The following YES1 variants were observed in gnomAD, a reference collection of about 807,000 sequenced individuals.
YES1 encodes YES proto-oncogene 1, Src family tyrosine kinase.
Under a neutral mutation model 70.4 loss-of-function variants are expected in YES1, and 39 were observed. The observed-to-expected ratio is 0.55, with a 90% confidence interval of 0.43 to 0.72. The LOEUF (loss-of-function observed/expected upper bound fraction) is 0.72, where lower values mean the gene tolerates loss of function less well. YES1 is among the 30% of genes least tolerant of loss of function. The pLI, the probability that YES1 is intolerant of heterozygous loss-of-function variation, is 0.00. For missense variants in YES1, 495 were observed against 644.8 expected (o/e 0.77, Z 2.52); for synonymous variants, 198 against 218.6 (o/e 0.91, Z 0.83).
chr18:732,972 T>C lies in YES1; in HGVS notation c.1292-7A>G. 6.2e-7 allele frequency: 1 copy of C among 1,614,080 alleles called. No individual in the cohort carries two copies. Among genetic ancestry groups the C allele is most frequent in the East Asian group, 2.2e-5 (1 of 44,874 alleles). ...TTGATTGGAAATTTTGCACCTAAAA[T>C]AATGTTGACCATCTTGCTTAATTGT... On this transcript the variant is annotated splice_region_variant and splice_polypyrimidine_tract_variant and intron_variant, in intron 10 of 11. Coordinates refer to ENST00000314574, the MANE Select transcript of YES1 (RefSeq NM_005433.4).
At chr18:743,763 G>A (rs1295448726) in intron 6 of YES1, among the ~76,000 whole-genome samples, 9 of 151,794 alleles carry the variant, frequency 5.9e-5, no homozygotes, top group East Asian at 5.8e-4. Context: ...AAAGTTAGCC[G>A]GGCATGGTGG....
At chr18:808,910 T>C (rs948869408) in intron 1 of YES1, among the ~76,000 whole-genome samples, 1 of 152,240 alleles carries the variant, frequency 6.6e-6, no homozygotes, top group African/African-American at 2.4e-5. Context: ...AAACTTATTT[T>C]ATGCTGAGAT....
intron 8 of YES1, among the ~76,000 whole-genome samples, chr18:740,856 C>A (rs1385527434): frequency 6.6e-6 from 1 of 152,030 alleles, no homozygotes; most frequent in Non-Finnish European, 1.5e-5. Flanking sequence ...ATTAGCCTTA[C>A]CTTCATTATA....
intron 1 of YES1, among the ~76,000 whole-genome samples, chr18:774,306 AT>A (rs1044852517): frequency 6.6e-6 from 1 of 152,146 alleles, no homozygotes; most frequent in Non-Finnish European, 1.5e-5. Flanking sequence ...CCAGTCTTAT[AT>A]CTTTAAATAC....
intron 1 of YES1, among the ~76,000 whole-genome samples, chr18:757,612 G>A (rs966355579): frequency 1.3e-5 from 2 of 151,966 alleles, no homozygotes; most frequent in African/African-American, 4.8e-5. Flanking sequence ...CTTGAGGTCA[G>A]GAGTTCAAGA....
intron 1 of YES1, among the ~76,000 whole-genome samples, chr18:784,719 T>A (rs1056311000): frequency 1.3e-5 from 2 of 152,214 alleles, no homozygotes; most frequent in African/African-American, 4.8e-5. Context: ...CTGATGCTGC[T>A]TTGTTGTTAC....
chr18:784,071 A>AT (rs1250633675), intron 1 of YES1, among the ~76,000 whole-genome samples: 2 of 152,360 alleles, frequency 1.3e-5, no homozygotes, highest in African/African-American at 4.8e-5. Flanking sequence ...AAAAATATTC[A>AT]TTTTAACACA....
At chr18:725,306 G>A (rs1315742023) in intron 11 of YES1, among the ~76,000 whole-genome samples, 3 of 151,752 alleles carry the variant, frequency 2.0e-5, no homozygotes, top group Admixed American at 6.6e-5. Context: ...CCTATCTCCC[G>A]CATCACCTTC....
At chr18:755,275 G>A (rs1387299249) in intron 2 of YES1, among the ~76,000 whole-genome samples, 1 of 150,656 alleles carries the variant, frequency 6.6e-6, no homozygotes, top group Non-Finnish European at 1.5e-5. Context: ...TGGAGACAGA[G>A]TCTCGCTCTG....
At chr18:780,421 G>T (rs948658207) in intron 1 of YES1, among the ~76,000 whole-genome samples, 3 of 152,020 alleles carry the variant, frequency 2.0e-5, no homozygotes, top group South Asian at 2.1e-4. Context: ...GAGGAAGAGA[G>T]ATCTTAGCTT....
chr18:794,911 G>A (rs1460458936), intron 1 of YES1, among the ~76,000 whole-genome samples: 1 of 152,308 alleles, frequency 6.6e-6, no homozygotes, highest in South Asian at 2.1e-4. Context: ...TGCCTCCCGG[G>A]TTCAAGCAAT....
chr18:803,353 T>C (rs7233166), intron 1 of YES1, among the ~76,000 whole-genome samples: 8,757 of 152,182 alleles, frequency 0.058, 353 homozygotes, highest in East Asian at 0.13. Context: ...GCACCTATCA[T>C]AGGACAGGCT....
intron 10 of YES1, chr18:736,218 A>C (rs1264247025): frequency 1.4e-5 from 2 of 140,840 alleles, no homozygotes; most frequent in African/African-American, 2.7e-5. Flanking sequence ...AAGGCATTCC[A>C]GATGGAGGTA....
intron 1 of YES1, among the ~76,000 whole-genome samples, chr18:785,166 T>A (rs1244377591): frequency 6.9e-6 from 1 of 145,436 alleles, no homozygotes; most frequent in East Asian, 2.0e-4. Flanking sequence ...TTTTTTTTTT[T>A]AACCTCATCA....
chr18:771,313 G>A (rs1377110285), intron 1 of YES1, among the ~76,000 whole-genome samples: 2 of 151,642 alleles, frequency 1.3e-5, no homozygotes, highest in African/African-American at 4.9e-5. Flanking sequence ...GTTGCAGTGA[G>A]CCAAGATTGC....
intron 1 of YES1, among the ~76,000 whole-genome samples, chr18:771,515 T>C (rs1289346052): frequency 6.6e-6 from 1 of 152,214 alleles, no homozygotes; most frequent in Non-Finnish European, 1.5e-5. Context: ...TGTAATCTGT[T>C]AAACCACTCC....
chr18:767,747 C>A (rs1297510986), intron 1 of YES1, among the ~76,000 whole-genome samples: 2 of 152,228 alleles, frequency 1.3e-5, no homozygotes, highest in Middle Eastern at 6.8e-3. Flanking sequence ...TGTGCCTAGG[C>A]TGGAGTACAG....
intron 8 of YES1, among the ~76,000 whole-genome samples, chr18:741,095 G>A (rs978537226): frequency 6.6e-6 from 1 of 151,818 alleles, no homozygotes; most frequent in African/African-American, 2.4e-5. Flanking sequence ...ACGGGGTTTC[G>A]CTATGTTGGC....
intron 1 of YES1, among the ~76,000 whole-genome samples, chr18:786,602 A>AT (rs540155101): frequency 4.0e-5 from 6 of 151,868 alleles, no homozygotes; most frequent in African/African-American, 4.8e-5. Flanking sequence ...AATTAATACC[A>AT]TATCAGTTCA....
Sources: gnomAD v4.1 joint callset for allele counts (sites outside exome capture counted in the v4.1 genomes callset) on GRCh38, gnomAD v4.1.1 for gene constraint, MANE v1.5 for transcripts, NCBI Gene and HGNC (gene_info 2026-07-23, HGNC 2026-07-21) for gene names.